AQP10: variants seen among roughly 807,000 people sequenced by gnomAD.
AQP10 encodes the protein aquaporin 10, also known as aquaporin-10.
Under a neutral mutation model 21.0 loss-of-function variants are expected in AQP10, and 15 were observed. That is an observed-to-expected ratio of 0.71 (90% CI 0.48 to 1.10). The LOEUF is 1.10. AQP10 is among the 50% of genes least tolerant of loss of function. The probability of loss-of-function intolerance (pLI) is 0.00; values close to 1 mark genes in which losing one functional copy is unlikely to be tolerated. For synonymous variants in AQP10, 143 were observed against 155.7 expected (o/e 0.92, Z 0.61); for missense variants, 268 against 379.5 (o/e 0.71, Z 2.44).
chr1:154,322,126 T>C, intron 2 of AQP10, 67 bp downstream of exon 2: 3 of 1,592,538 alleles, frequency 1.9e-6, no homozygotes, highest in Admixed American at 1.8e-5. Context: ...TGTCTGGTGA[T>C]GGTGGAAACG....
At chr1:154,322,749 C>T (rs1478703411) in intron 2 of AQP10, among the ~76,000 whole-genome samples, 6 of 152,082 alleles carry the variant, frequency 3.9e-5, no homozygotes, top group Non-Finnish European at 5.9e-5. Context: ...TCCACTGCCT[C>T]GGCCTCCCAA....
rs1382952522 is a variant in AQP10, at chr1:154,322,028, G to A, written c.201G>A (p.Thr67=). ...TMFLAGSLAV[T]IAIYVGGNVS... ...TTCTGGCTGGCTCTCTGGCCGTTAC[G>A]ATAGCCATCTACGTGGGTGGTAACG... Residue 67 remains threonine (T), a synonymous_variant, in exon 2 of 6, where the codon ACG becomes ACA. Coordinates refer to ENST00000324978, the MANE Select transcript of AQP10 (RefSeq NM_080429.3). 7.4e-6 allele frequency: 12 copies of A among 1,613,522 alleles called. No homozygotes were observed. Among genetic ancestry groups the A allele is most frequent in the African/African-American group, 6.7e-5 (5 of 74,906 alleles).
chr1:154,321,569 C>T (rs1380799071), intron 1 of AQP10, among the ~76,000 whole-genome samples: 1 of 152,032 alleles, frequency 6.6e-6, no homozygotes, highest in Non-Finnish European at 1.5e-5. Flanking sequence ...TTATACTTGG[C>T]CTGATGATTG....
chr1:154,321,881 T>A lies in AQP10; in HGVS notation c.106-52T>A, dbSNP rs1685649808. ...GCTCCCCTGGCCTTCCCAACCTTTC[T>A]CCCTGTTGGTCTCCTGGGCTCCCTG... On this transcript the variant is annotated intron_variant, in intron 1 of 5. Transcript: ENST00000324978. 5.0e-6 allele frequency: 8 copies of A among 1,608,182 alleles called. No individual in the cohort carries two copies. The Middle Eastern group carries it at 1.3e-3, about 265-fold the overall frequency.
intron 5 of AQP10, 184 bp from the exon 6 acceptor site, chr1:154,324,098 G>A (rs991910004): frequency 6.7e-6 from 8 of 1,199,992 alleles, no homozygotes; most frequent in Non-Finnish European, 9.0e-6. Flanking sequence ...CAAGAGGCTG[G>A]ACCAAGCTCT....
chr1:154,321,686 C>G (rs1392579737), intron 1 of AQP10, among the ~76,000 whole-genome samples: 1 of 152,120 alleles, frequency 6.6e-6, no homozygotes, highest in Non-Finnish European at 1.5e-5. Context: ...AAAGCTGAGC[C>G]CTGCCATGGG....
rs373206571 is a variant in AQP10 at position 154,323,220 on chromosome 1, G to C, written c.371-21G>C. The C allele has an allele frequency of 1.2e-6, 2 of 1,613,220 alleles. No individual in the cohort carries two copies. Among genetic ancestry groups the C allele is most frequent in the African/African-American group, 1.3e-5 (1 of 74,906 alleles). ...ATGAATGAGCAAAGAGGGAAATCCTGGGTGTTCCCTTCCTCCACAGATGCC... is the reference window on the plus strand; with the variant it reads ...ATGAATGAGCAAAGAGGGAAATCCTCGGTGTTCCCTTCCTCCACAGATGCC... On this transcript the variant is annotated intron_variant, in intron 3 of 5. Transcript: ENST00000324978. This position sits in a 1 kb window ranked among gnomAD's most constrained non-coding sequence, Gnocchi z 4.5.
Position 154,324,637 on chromosome 1 carries a change from T to A in AQP10, c.*157T>A. On this transcript the variant is annotated 3_prime_UTR_variant, in exon 6 of 6. Transcript: ENST00000324978. ...CTTCCTCCTAAACTAAGAAGGATCC[T>A]GGACAGGGAGAAGTGGAGGAGGATA... is the stretch of plus-strand genomic sequence containing the variant. 1.4e-6 allele frequency: 1 copy of A among 720,590 alleles called. No individual in the cohort carries two copies. Among genetic ancestry groups the A allele is most frequent in the Non-Finnish European group, 2.2e-6 (1 of 459,262 alleles). 44.6% of individuals were successfully genotyped at this position (720,590 alleles called of 1,614,324 possible).
rs1383352201 is a variant in AQP10, at chr1:154,322,043, G to C, written c.216G>C (p.Val72=). ...GSLAVTIAIY[V]GGNVSGAHLN... is the part of the protein sequence containing the mutation. ...TGGCCGTTACGATAGCCATCTACGT[G>C]GGTGGTAACGTCTCAGGTGAGGAGG... is the stretch of plus-strand genomic sequence containing the variant. Residue 72 remains valine, a synonymous_variant, in exon 2 of 6, where the codon GTG becomes GTC. Transcript: ENST00000324978. 1 of 1,613,250 alleles carries C rather than the reference G, an allele frequency of 6.2e-7. No individual in the cohort carries two copies. The highest frequency in any genetic ancestry group is 8.5e-7 in the Non-Finnish European group (1 of 1,179,666).
chr1:154,322,029 A>T lies in AQP10; in HGVS notation c.202A>T (p.Ile68Leu), dbSNP rs553145275. ...MFLAGSLAVTIAIYVGGNVSG... is the reference protein window; with the variant it reads ...MFLAGSLAVTLAIYVGGNVSG... ...TCTGGCTGGCTCTCTGGCCGTTACG[A>T]TAGCCATCTACGTGGGTGGTAACGT... Residue 68 changes from isoleucine to leucine, a missense_variant, in exon 2 of 6, where the codon ATA becomes TTA. This residue lies in a region of AQP10 where 229 missense variants were observed against 295.1 expected (regional missense o/e 0.78). Coordinates refer to ENST00000324978, the MANE Select transcript of AQP10 (RefSeq NM_080429.3). 1 of 1,613,686 alleles carries T rather than the reference A, an allele frequency of 6.2e-7. No homozygotes were observed. Among genetic ancestry groups the T allele is most frequent in the South Asian group, 1.1e-5 (1 of 90,984 alleles).
chr1:154,323,012 C>T lies in AQP10; in HGVS notation c.263C>T (p.Ala88Val), dbSNP rs778263215. 6.2e-7 allele frequency: 1 copy of T among 1,614,180 alleles called. No homozygotes were observed. Among genetic ancestry groups the T allele is most frequent in the East Asian group, 2.2e-5 (1 of 44,884 alleles). ...GAHLNPAFSLAMCIVGRLPWV... is the reference protein window; with the variant it reads ...GAHLNPAFSLVMCIVGRLPWV... ...CACCTGAATCCAGCCTTCTCCCTGG[C>T]CATGTGCATCGTTGGACGCCTCCCC... The change falls in exon 3 of 6, where the codon GCC (alanine) becomes GTC (valine). Residue 88 changes from alanine to valine, a missense_variant. Physicochemically the swap from Ala to Val is moderately conservative, Grantham distance 64 (BLOSUM62 0). Coordinates refer to ENST00000324978, the MANE Select transcript of AQP10 (RefSeq NM_080429.3). The surrounding 1 kb of genome is among the most constrained non-coding windows in gnomAD (Gnocchi z 4.5).
rs1206244863 is a variant in AQP10 at position 154,323,328 on chromosome 1, A to G, written c.458A>G (p.Tyr153Cys). ...ASIFATYPAP[Y>C]LSLNNGFLDQ... ...ATTTTTGCCACCTATCCTGCCCCCT[A>G]TCTGTCCCTGAACAATGGCTTCCTG... The change falls in exon 4 of 6, where the codon TAT becomes TGT. Residue 153 changes from tyrosine (Y) to cysteine (C), a missense_variant. Physicochemically the swap from Tyr to Cys is radical, Grantham distance 194 (BLOSUM62 -2). Coordinates refer to ENST00000324978, the MANE Select transcript of AQP10 (RefSeq NM_080429.3). The surrounding 1 kb of genome is among the most constrained non-coding windows in gnomAD (Gnocchi z 4.5). 1.2e-6 allele frequency: 2 copies of G among 1,614,052 alleles called. No individual in the cohort carries two copies. The highest frequency in any genetic ancestry group is 8.5e-7 in the Non-Finnish European group (1 of 1,179,990).
At position 154,324,379 on chromosome 1, in the gene AQP10, C is replaced by G. The variant is rs750463918; in HGVS notation, c.805C>G (p.Pro269Ala). 6.2e-7 allele frequency: 1 copy of G among 1,613,458 alleles called. No individual in the cohort carries two copies. The highest frequency in any genetic ancestry group is 1.1e-5 in the South Asian group (1 of 91,074). The change falls in exon 6 of 6, where the codon CCT becomes GCT. Residue 269 changes from proline to alanine, a missense_variant. Pro to Ala is a conservative substitution (Grantham distance 27). Transcript: ENST00000324978. ...CCAGCTGTTGGTGGCTCTGCACCAC[C>G]CTGAGGGCCCAGAGCCAGCTCAGGA... Reference protein sequence around the residue: ...TYQLLVALHHPEGPEPAQDLV... With the variant: ...TYQLLVALHHAEGPEPAQDLV...
intron 5 of AQP10, chr1:154,324,020 C>A: frequency 7.0e-7 from 1 of 1,421,302 alleles, no homozygotes; most frequent in Non-Finnish European, 9.2e-7. Context: ...CTTAGGCATG[C>A]CACATTACTT....
At chr1:154,322,880 A>G in intron 2 of AQP10, 102 bp from the exon 3 acceptor site, 1 of 1,425,818 alleles carries the variant, frequency 7.0e-7, no homozygotes, top group Non-Finnish European at 9.7e-7. Flanking sequence ...GAATTACACT[A>G]TCTGCCTTAA....
In AQP10 at chr1:154,323,137, G is replaced by A. The variant is rs573226129; in HGVS notation, c.370+18G>A. On this transcript the variant is annotated intron_variant, in intron 3 of 5. Coordinates refer to ENST00000324978, the MANE Select transcript of AQP10 (RefSeq NM_080429.3). This position sits in a 1 kb window ranked among gnomAD's most constrained non-coding sequence, Gnocchi z 4.5. ...CTACCATGGTGACAGAGGGAACAGA[G>A]GGAGCTGTGCCTTGAGAGCACCTGT... is the stretch of plus-strand genomic sequence containing the variant. 3.1e-6 allele frequency: 5 copies of A among 1,614,180 alleles called. No individual in the cohort carries two copies. The highest frequency in any genetic ancestry group is 1.1e-5 in the South Asian group (1 of 91,084).
chr1:154,321,393 C>T (rs752330388), intron 1 of AQP10, 133 bp downstream of exon 1: 25 of 590,840 alleles, frequency 4.2e-5, no homozygotes, highest in East Asian at 9.5e-5. Context: ...TTTATCCTCT[C>T]GTCTCTCCTA....
At chr1:154,322,493 T>TC (rs1558263945) in intron 2 of AQP10, among the ~76,000 whole-genome samples, 5 of 149,406 alleles carry the variant, frequency 3.3e-5, no homozygotes, top group Non-Finnish European at 6.0e-5. Flanking sequence ...CTTCTTCTTT[T>TC]TTTTTTTTTT....
At chr1:154,322,322 C>G (rs1685662856) in intron 2 of AQP10, among the ~76,000 whole-genome samples, 1 of 152,122 alleles carries the variant, frequency 6.6e-6, no homozygotes, top group East Asian at 1.9e-4. Flanking sequence ...CTCTTGTATC[C>G]CCCACCTGAA....
Sources: gnomAD v4.1 joint callset for allele counts (sites outside exome capture counted in the v4.1 genomes callset) on GRCh38, gnomAD v4.1.1 for gene constraint, gnomAD v4.1.1 regional missense constraint, Gnocchi (gnomAD v3.1) non-coding constraint, MANE v1.5 for transcripts, NCBI Gene and HGNC (gene_info 2026-07-23, HGNC 2026-07-21) for gene names.